Variants in SCFD2 observed in about 807,000 individuals in gnomAD.
SCFD2 encodes the protein sec1 family domain containing 2.
A neutral mutation model predicts 58.9 loss-of-function variants in SCFD2; 54 were observed. The ratio of observed to expected loss-of-function variants is 0.92; its 90% CI spans 0.74 to 1.15. The LOEUF is 1.15. SCFD2 is among the 50% of genes most tolerant of loss of function. The pLI is 0.00. For synonymous variants in SCFD2, 321 were observed against 335.9 expected (o/e 0.96, Z 0.49); for missense variants, 805 against 836.6 (o/e 0.96, Z 0.47).
chr4:53,351,113 C>T (rs1369874545), intron 2 of SCFD2, among the ~76,000 whole-genome samples: 1 of 152,204 alleles, frequency 6.6e-6, no homozygotes. Flanking sequence ...AGGGGAATAA[C>T]AACATCTACC....
intron 4 of SCFD2, among the ~76,000 whole-genome samples, chr4:53,217,171 G>T (rs1269150598): frequency 1.3e-5 from 2 of 152,126 alleles, no homozygotes; most frequent in Non-Finnish European, 2.9e-5. Context: ...TCCACTTGGT[G>T]CAGAGCTGAG....
Position 52,873,770 on chromosome 4 carries a change from CTTT to C in SCFD2, c.*196_*198del, listed in dbSNP as rs74931823. The C allele has an allele frequency of 4.8e-4, 160 of 331,830 alleles. No individual in the cohort carries two copies. Among genetic ancestry groups the C allele is most frequent in the Non-Finnish European group, 6.6e-4 (123 of 185,218 alleles). 20.6% of individuals were successfully genotyped at this position (331,830 alleles called of 1,614,324 possible). ...TGTCGCCTTCAGGAAAATAAAAAAA[CTTT>C]TTTTTTTTTTTTTTAAGAATCACAG... On this transcript the variant is annotated 3_prime_UTR_variant, in exon 9 of 9. Coordinates refer to ENST00000401642, the MANE Select transcript of SCFD2 (RefSeq NM_152540.4).
At chr4:52,948,638 G>T in intron 5 of SCFD2, 1 of 429,826 alleles carries the variant, frequency 2.3e-6, no homozygotes, top group Middle Eastern at 3.4e-4. Context: ...GAAATATTGT[G>T]CTAATTTCCA....
chr4:53,231,622 G>C (rs17082529), intron 4 of SCFD2, among the ~76,000 whole-genome samples: 12,292 of 152,064 alleles, frequency 0.081, 737 homozygotes, highest in East Asian at 0.24. Context: ...AATCAGGTGG[G>C]TGCCATTAAA....
intron 5 of SCFD2, among the ~76,000 whole-genome samples, chr4:53,053,623 T>G (rs1353625290): frequency 6.6e-6 from 1 of 152,066 alleles, no homozygotes; most frequent in Non-Finnish European, 1.5e-5. Context: ...CCTCAAGTTC[T>G]CTAGAAATGC....
At chr4:53,274,056 GAGA>G in intron 3 of SCFD2, 55 bp from the exon 4 acceptor site, 1 of 1,437,176 alleles carries the variant, frequency 7.0e-7, no homozygotes, top group Non-Finnish European at 9.4e-7. Flanking sequence ...TACAAATAAT[GAGA>G]AGGATTCCAT....
intron 2 of SCFD2, among the ~76,000 whole-genome samples, chr4:53,319,573 C>T (rs1212785545): frequency 2.6e-5 from 4 of 151,326 alleles, no homozygotes. Context: ...CGCTCTGTCA[C>T]CCAGGCTCAA....
At chr4:52,956,048 A>G (rs1038754002) in intron 5 of SCFD2, 5 of 456,540 alleles carry the variant, frequency 1.1e-5, no homozygotes, top group African/African-American at 2.0e-5. Flanking sequence ...GTGAAGAGAA[A>G]GCTATGGGGG....
chr4:52,959,666 T>TTCC (rs1720797935), intron 5 of SCFD2, among the ~76,000 whole-genome samples: 1 of 152,168 alleles, frequency 6.6e-6, no homozygotes, highest in Non-Finnish European at 1.5e-5. Flanking sequence ...CACAGGCACA[T>TTCC]TCCTCCTCCT....
intron 4 of SCFD2, among the ~76,000 whole-genome samples, chr4:53,161,578 A>C (rs1476272672): frequency 6.6e-6 from 1 of 152,134 alleles, no homozygotes; most frequent in Non-Finnish European, 1.5e-5. Context: ...CTTTTTTGTA[A>C]CGTTTTTTCC....
intron 3 of SCFD2, among the ~76,000 whole-genome samples, chr4:53,277,151 T>C (rs578118997): frequency 6.6e-6 from 1 of 152,250 alleles, no homozygotes; most frequent in African/African-American, 2.4e-5. Flanking sequence ...AAAACCCCTA[T>C]GCTTGTAGCC....
chr4:52,958,083 G>T (rs1346022879), intron 5 of SCFD2: 1 of 151,490 alleles, frequency 6.6e-6, no homozygotes, highest in Admixed American at 6.6e-5. Flanking sequence ...GAAATAGTCA[G>T]ACACAAAGGA....
chr4:53,273,375 G>A (rs1731231781), intron 4 of SCFD2, among the ~76,000 whole-genome samples: 1 of 152,010 alleles, frequency 6.6e-6, no homozygotes, highest in African/African-American at 2.4e-5. Context: ...ACTACAAATG[G>A]AGATCACTTC....
At chr4:53,334,148 T>C (rs1231671730) in intron 2 of SCFD2, among the ~76,000 whole-genome samples, 1 of 151,730 alleles carries the variant, frequency 6.6e-6, no homozygotes, top group East Asian at 1.9e-4. Context: ...TTTACACTGT[T>C]GGTGGGACTG....
At chr4:53,181,608 C>A (rs1384110438) in intron 4 of SCFD2, among the ~76,000 whole-genome samples, 3 of 152,138 alleles carry the variant, frequency 2.0e-5, no homozygotes, top group Admixed American at 2.0e-4. Flanking sequence ...GACAGAGATG[C>A]CCTCTCTCAC....
intron 5 of SCFD2, among the ~76,000 whole-genome samples, chr4:53,117,529 C>G (rs1040819322): frequency 6.6e-6 from 1 of 152,134 alleles, no homozygotes; most frequent in Non-Finnish European, 1.5e-5. Context: ...ACAAAAAACA[C>G]ATACAGTGTT....
rs183130578 is a variant in SCFD2, at chr4:53,122,460, G to C, written c.1561+22873C>G. Among the ~76,000 whole-genome samples, 282 of 151,994 alleles carry C rather than the reference G, an allele frequency of 1.9e-3. 1 individual carries two copies. Among genetic ancestry groups the C allele is most frequent in the African/African-American group, 6.3e-3 (262 of 41,448 alleles). ...CTCACTCAACATGAAAGGGAAGGAA[G>C]AGCCTCAGCATAAACCCTATCCTGC... On this transcript the variant is annotated intron_variant, in intron 5 of 8. Transcript: ENST00000401642.
At chr4:53,175,903 C>G (rs1217161364) in intron 4 of SCFD2, among the ~76,000 whole-genome samples, 2 of 152,232 alleles carry the variant, frequency 1.3e-5, no homozygotes, top group Non-Finnish European at 2.9e-5. Flanking sequence ...TAGTCCCTGA[C>G]TTCCTTAATT....
At chr4:53,283,459 T>TGAA (rs1731567434) in intron 3 of SCFD2, among the ~76,000 whole-genome samples, 1 of 152,238 alleles carries the variant, frequency 6.6e-6, no homozygotes, top group African/African-American at 2.4e-5. Context: ...CATTTGCTTC[T>TGAA]ATTGGATATA....
Sources: gnomAD v4.1 joint callset for allele counts (sites outside exome capture counted in the v4.1 genomes callset) on GRCh38, gnomAD v4.1.1 for gene constraint, MANE v1.5 for transcripts, NCBI Gene and HGNC (gene_info 2026-07-23, HGNC 2026-07-21) for gene names.